PCDH15: variants seen among roughly 807,000 people sequenced by gnomAD.
PCDH15 encodes the protein protocadherin-15.
A neutral mutation model predicts 178.5 loss-of-function variants in PCDH15; 129 were observed. The ratio of observed to expected loss-of-function variants is 0.72; its 90% confidence interval spans 0.63 to 0.84. The LOEUF (loss-of-function observed/expected upper bound fraction) is 0.84, where lower values mean the gene tolerates loss of function less well. PCDH15 is among the 40% of genes least tolerant of loss of function. The pLI is 0.00. For synonymous variants in PCDH15, 800 were observed against 732.0 expected (o/e 1.09, Z -1.50); for missense variants, 2,230 against 2,099.9 (o/e 1.06, Z -1.21).
At position 54,421,914 on chromosome 10, in the gene PCDH15, ATATATATATATACAC is replaced by A. The variant is rs1565232289; in HGVS notation, c.158-42987_158-42973del. On this transcript the variant is annotated intron_variant, in intron 3 of 37. Transcript: ENST00000644397. ...CACACACTATATATATATATACACT[ATATATATATATACAC>A]TATATATATATATATAAAAATATAT... Among the ~76,000 whole-genome samples, 27 of 20,670 alleles carry A rather than the reference ATATATATATATACAC, an allele frequency of 1.3e-3. 1 individual carries two copies. The highest frequency in any genetic ancestry group is 3.8e-3 in the Admixed American group (10 of 2,600). The allele number at this position is 20,670 out of a possible 152,430, so 13.6% of individuals were successfully genotyped here. A position where few individuals can be genotyped will look rare whatever the true frequency, so the allele number is the denominator to read the frequency against.
At chr10:53,990,001 T>C (rs1275376419) in intron 21 of PCDH15, among the ~76,000 whole-genome samples, 1 of 152,220 alleles carries the variant, frequency 6.6e-6, no homozygotes, top group Admixed American at 6.5e-5. Context: ...ACTTTCTTTC[T>C]ACTGTTAGCA....
At chr10:55,262,261 G>C (rs112948471) in intron 1 of PCDH15, among the ~76,000 whole-genome samples, 1 of 150,168 alleles carries the variant, frequency 6.7e-6, no homozygotes, top group African/African-American at 2.4e-5. Flanking sequence ...AGTGATATGG[G>C]AGGGGGGCAA....
chr10:53,984,151 T>TC (rs1050483333), intron 21 of PCDH15, among the ~76,000 whole-genome samples: 1 of 105,960 alleles, frequency 9.4e-6, no homozygotes, highest in African/African-American at 3.0e-5. Context: ...TTCTTTTCTT[T>TC]TTTTTTTTTT....
intron 2 of PCDH15, among the ~76,000 whole-genome samples, chr10:55,335,892 A>T (rs1349994794): frequency 6.6e-6 from 1 of 152,126 alleles, no homozygotes; most frequent in Non-Finnish European, 1.5e-5. Context: ...CAGACGCCTT[A>T]GTCTTTAGAC....
intron 3 of PCDH15, among the ~76,000 whole-genome samples, chr10:54,870,232 G>A (rs755170067): frequency 2.6e-5 from 4 of 152,086 alleles, no homozygotes; most frequent in Non-Finnish European, 4.4e-5. Flanking sequence ...GTAATCAATT[G>A]GAAATTTTGT....
intron 1 of PCDH15, among the ~76,000 whole-genome samples, chr10:55,318,419 T>C (rs1843787311): frequency 6.6e-6 from 1 of 152,156 alleles, no homozygotes; most frequent in Non-Finnish European, 1.5e-5. Flanking sequence ...TAGTTCATTT[T>C]GAAAACTGAA....
chr10:55,296,150 T>C (rs1843126099), intron 1 of PCDH15, among the ~76,000 whole-genome samples: 1 of 152,168 alleles, frequency 6.6e-6, no homozygotes, highest in African/African-American at 2.4e-5. Flanking sequence ...GGAGCTTCCA[T>C]GGTTTTTCAA....
intron 26 of PCDH15, among the ~76,000 whole-genome samples, chr10:53,871,451 C>T (rs1010946727): frequency 2.7e-5 from 4 of 146,802 alleles, no homozygotes; most frequent in South Asian, 2.2e-4. Context: ...TATATTCATA[C>T]GTGTGTGTGT....
At chr10:54,724,820 A>C (rs1022393145) in intron 1 of PCDH15, among the ~76,000 whole-genome samples, 1 of 151,218 alleles carries the variant, frequency 6.6e-6, no homozygotes, top group Non-Finnish European at 1.5e-5. Context: ...CAGGTGGCAC[A>C]TATACATATT....
At chr10:54,064,715 C>T (rs950033464) in intron 18 of PCDH15, among the ~76,000 whole-genome samples, 2 of 152,168 alleles carry the variant, frequency 1.3e-5, no homozygotes, top group African/African-American at 4.8e-5. Flanking sequence ...CTGGTTGTGA[C>T]AGCACCTGGG....
At chr10:54,818,815 T>C (rs1407499720) in intron 3 of PCDH15, among the ~76,000 whole-genome samples, 1 of 152,112 alleles carries the variant, frequency 6.6e-6, no homozygotes, top group Non-Finnish European at 1.5e-5. Context: ...TAATACAATT[T>C]GATTGTTGCT....
intron 1 of PCDH15, among the ~76,000 whole-genome samples, chr10:55,313,972 T>C (rs1445510670): frequency 6.6e-6 from 1 of 151,952 alleles, no homozygotes; most frequent in African/African-American, 2.4e-5. Context: ...TGTGGGAACT[T>C]TTTCACAATA....
intron 13 of PCDH15, among the ~76,000 whole-genome samples, chr10:54,158,266 G>A (rs1000243208): frequency 2.0e-5 from 3 of 152,210 alleles, no homozygotes; most frequent in Admixed American, 6.5e-5. Context: ...TGAAATTACA[G>A]TTCTATATGG....
chr10:53,901,721 C>T (rs2082347991), intron 26 of PCDH15, among the ~76,000 whole-genome samples: 1 of 152,186 alleles, frequency 6.6e-6, no homozygotes. Context: ...CTCCAGCTCC[C>T]TGTCTACCTT....
chr10:54,951,027 G>A (rs1415475358), intron 2 of PCDH15, among the ~76,000 whole-genome samples: 1 of 151,764 alleles, frequency 6.6e-6, no homozygotes, highest in Non-Finnish European at 1.5e-5. Flanking sequence ...TATCTTTCAT[G>A]AGTGTAGTGT....
intron 2 of PCDH15, among the ~76,000 whole-genome samples, chr10:55,343,431 G>T (rs1201766724): frequency 6.6e-6 from 1 of 151,966 alleles, no homozygotes; most frequent in Non-Finnish European, 1.5e-5. Flanking sequence ...TCTATTCTCT[G>T]CCCTCTACCA....
At chr10:53,809,455 G>C in intron 37 of PCDH15, 1 of 1,613,970 alleles carries the variant, frequency 6.2e-7, no homozygotes. Flanking sequence ...AGGCTCAGCT[G>C]CTGGTGGTTT....
chr10:54,303,577 T>C (rs953909776), intron 8 of PCDH15, among the ~76,000 whole-genome samples: 1 of 152,100 alleles, frequency 6.6e-6, no homozygotes, highest in Admixed American at 6.6e-5. Flanking sequence ...ACAAGTAAGA[T>C]ACTCTGCAAT....
At chr10:55,618,689 G>A (rs60003158) in intron 2 of PCDH15, among the ~76,000 whole-genome samples, 8,924 of 152,072 alleles carry the variant, frequency 0.059, 583 homozygotes, top group East Asian at 0.31. Flanking sequence ...TGAAGAAACT[G>A]AAGCACAGAA....
Sources: allele counts gnomAD v4.1 joint callset (sites outside exome capture counted in the v4.1 genomes callset), GRCh38; gene constraint gnomAD v4.1.1; transcripts MANE v1.5; gene names NCBI Gene and HGNC (gene_info 2026-07-23, HGNC 2026-07-21).